MGAT4C: variants seen among roughly 807,000 people sequenced by gnomAD.
MGAT4C encodes alpha-1,3-mannosyl-glycoprotein 4-beta-N-acetylglucosaminyltransferase C.
A neutral mutation model predicts 40.1 loss-of-function variants in MGAT4C; 19 were observed. That is an observed-to-expected ratio of 0.47 (90% CI 0.33 to 0.70). The LOEUF (loss-of-function observed/expected upper bound fraction) is 0.70, where lower values mean the gene tolerates loss of function less well. Among genes scored for constraint, MGAT4C ranks in the 30% least tolerant of loss-of-function variants. MGAT4C has a pLI of 0.02. For synonymous variants in MGAT4C, 181 were observed against 187.1 expected (o/e 0.97, Z 0.27); for missense variants, 491 against 563.2 (o/e 0.87, Z 1.30).
At chr12:86,133,634 G>T (rs1193148144) in intron 1 of MGAT4C, among the ~76,000 whole-genome samples, 1 of 152,106 alleles carries the variant, frequency 6.6e-6, no homozygotes, top group Non-Finnish European at 1.5e-5. Context: ...GTTATTACCT[G>T]TGGTAACTTC....
chr12:86,424,505 C>T (rs756028489), intron 3 of MGAT4C, among the ~76,000 whole-genome samples: 1 of 152,038 alleles, frequency 6.6e-6, no homozygotes, highest in Non-Finnish European at 1.5e-5. Context: ...ACCATTCCAC[C>T]AATTCACTCA....
At chr12:86,635,850 T>TG (rs1963204169) in intron 2 of MGAT4C, among the ~76,000 whole-genome samples, 2 of 151,878 alleles carry the variant, frequency 1.3e-5, no homozygotes, top group South Asian at 4.2e-4. Flanking sequence ...TAATTTTTTT[T>TG]TTTTGTAATT....
intron 2 of MGAT4C, among the ~76,000 whole-genome samples, chr12:86,595,339 T>C (rs1371427267): frequency 6.6e-6 from 1 of 152,116 alleles, no homozygotes; most frequent in East Asian, 1.9e-4. Context: ...GAGACCAGCC[T>C]GGCCAACATG....
chr12:86,357,299 T>C (rs888742001), intron 3 of MGAT4C, among the ~76,000 whole-genome samples: 4 of 151,946 alleles, frequency 2.6e-5, no homozygotes. Flanking sequence ...AGAAAGGACA[T>C]CCACACCAAA....
chr12:86,087,873 A>G (rs1336641371), intron 1 of MGAT4C, among the ~76,000 whole-genome samples: 2 of 152,122 alleles, frequency 1.3e-5, no homozygotes, highest in East Asian at 3.8e-4. Context: ...AAAATAGAAA[A>G]AAAAACTATT....
intron 1 of MGAT4C, among the ~76,000 whole-genome samples, chr12:86,171,308 G>T (rs1056814375): frequency 1.6e-4 from 25 of 152,274 alleles, no homozygotes; most frequent in African/African-American, 5.8e-4. Context: ...GGCAGAGGTT[G>T]CGGTGAGCTG....
At chr12:86,433,526 T>A (rs1225052953) in intron 3 of MGAT4C, among the ~76,000 whole-genome samples, 1 of 152,014 alleles carries the variant, frequency 6.6e-6, no homozygotes, top group African/African-American at 2.4e-5. Context: ...CAAATATATT[T>A]TTTTTTACTA....
intron 4 of MGAT4C, among the ~76,000 whole-genome samples, chr12:85,981,149 C>G (rs1043171296): frequency 1.3e-5 from 2 of 152,030 alleles, no homozygotes; most frequent in African/African-American, 2.4e-5. Context: ...TTGAAACACA[C>G]TTTATAGTAA....
chr12:86,054,366 A>C lies in MGAT4C; in HGVS notation c.-56-4643T>G, dbSNP rs567427296. ...TCACTAGTATGTGGGAGTTATTATA[A>C]AAAAGCTGAACTGATAAAAGTAAAG... On this transcript the variant is annotated intron_variant, in intron 1 of 4. Coordinates refer to ENST00000611864, the MANE Select transcript of MGAT4C (RefSeq NM_001351288.2). Among the ~76,000 whole-genome samples the C allele has an allele frequency of 4.6e-5, 7 of 152,148 alleles. No individual in the cohort carries two copies. In the South Asian group the frequency reaches 1.4e-3, roughly 32 times the overall value.
chr12:86,514,111 A>ACACCC (rs1475679807), intron 2 of MGAT4C, among the ~76,000 whole-genome samples: 1 of 126,578 alleles, frequency 7.9e-6, no homozygotes, highest in African/African-American at 3.2e-5. Context: ...CACACACACA[A>ACACCC]CCCCGGCTTA....
intron 2 of MGAT4C, among the ~76,000 whole-genome samples, chr12:86,600,282 A>G (rs944080171): frequency 1.3e-5 from 2 of 152,162 alleles, no homozygotes; most frequent in Non-Finnish European, 2.9e-5. Context: ...CTGGAGCACA[A>G]TGAAATAAGA....
At chr12:86,717,339 A>G (rs1950660747) in intron 2 of MGAT4C, among the ~76,000 whole-genome samples, 1 of 152,112 alleles carries the variant, frequency 6.6e-6, no homozygotes, top group African/African-American at 2.4e-5. Flanking sequence ...CATTGATACT[A>G]CAAGAGAAAG....
intron 2 of MGAT4C, among the ~76,000 whole-genome samples, chr12:86,441,340 A>AT (rs1388094533): frequency 6.6e-6 from 1 of 150,992 alleles, no homozygotes; most frequent in Non-Finnish European, 1.5e-5. Context: ...TTTTATTATT[A>AT]TTTTTATTAT....
intron 1 of MGAT4C, among the ~76,000 whole-genome samples, chr12:86,774,327 C>CTTTCTTTCTTTCTT (rs1565981576): frequency 2.9e-5 from 3 of 102,508 alleles, no homozygotes; most frequent in Admixed American, 1.2e-4. Flanking sequence ...TTCTTTCTTT[C>CTTTCTTTCTTTCTT]TTTCTTTCTT....
chr12:86,068,032 C>T (rs1359136437), intron 1 of MGAT4C: 1 of 152,196 alleles, frequency 6.6e-6, no homozygotes, highest in Non-Finnish European at 1.5e-5. Context: ...CTGCTAAATG[C>T]TGCACAGATA....
intron 2 of MGAT4C, among the ~76,000 whole-genome samples, chr12:86,012,094 ATAT>A (rs1467064456): frequency 6.6e-6 from 1 of 152,228 alleles, no homozygotes; most frequent in Non-Finnish European, 1.5e-5. Flanking sequence ...GTCGTAACTC[ATAT>A]TATATTATCA....
chr12:86,559,869 G>A (rs537330568), intron 2 of MGAT4C, among the ~76,000 whole-genome samples: 1 of 151,880 alleles, frequency 6.6e-6, no homozygotes, highest in East Asian at 1.9e-4. Flanking sequence ...TGTTGTTGTT[G>A]TGTGTGTGTT....
chr12:86,290,359 A>T (rs993270728), intron 4 of MGAT4C, among the ~76,000 whole-genome samples: 1 of 152,156 alleles, frequency 6.6e-6, no homozygotes, highest in African/African-American at 2.4e-5. Flanking sequence ...TTTAGATAAA[A>T]GCTACGCAGG....
Position 85,977,423 on chromosome 12 carries a change from C to T in MGAT4C, c.*1866G>A, listed in dbSNP as rs1012921633. The stretch of plus-strand genomic sequence containing the variant: ...ACATTTTTAGGTGTCTGGCAAGTAT[C>T]CTCTAAATCAAGGTAAAGATAATAA... On this transcript the variant is annotated 3_prime_UTR_variant, in exon 5 of 5. Transcript: ENST00000611864. 4 of 151,272 alleles carry T rather than the reference C, an allele frequency of 2.6e-5. No individual in the cohort carries two copies. The highest frequency in any genetic ancestry group is 9.7e-5 in the African/African-American group (4 of 41,324). 9.4% of individuals were successfully genotyped at this position (151,272 alleles called of 1,614,324 possible). A position where few individuals can be genotyped will look rare whatever the true frequency, so the allele number is the denominator to read the frequency against.
Sources: gnomAD v4.1 joint callset for allele counts (sites outside exome capture counted in the v4.1 genomes callset) on GRCh38, gnomAD v4.1.1 for gene constraint, MANE v1.5 for transcripts, NCBI Gene and HGNC (gene_info 2026-07-23, HGNC 2026-07-21) for gene names.